The following ASXL3 variants were observed in gnomAD, a reference collection of about 807,000 sequenced individuals.
The protein encoded by ASXL3 is putative Polycomb group protein ASXL3.
ASXL3 carries 34 observed loss-of-function variants against 170.6 expected under a neutral mutation model. The ratio of observed to expected loss-of-function variants is 0.20; its 90% CI spans 0.15 to 0.27. The LOEUF (loss-of-function observed/expected upper bound fraction) is 0.27. Ranked by LOEUF, ASXL3 falls within the 10% of genes least tolerant of loss-of-function variation. The pLI is 1.00. For synonymous variants in ASXL3, 1,002 were observed against 989.1 expected, an observed-to-expected ratio of 1.01 and a Z score of -0.24; for missense variants, 2,592 against 2,695.3, an observed-to-expected ratio of 0.96 and a Z score of 0.85.
intron 8 of ASXL3, among the ~76,000 whole-genome samples, chr18:33,715,039 T>C (rs1177271029): frequency 1.3e-5 from 2 of 152,094 alleles, no homozygotes; most frequent in Non-Finnish European, 2.9e-5. Context: ...AAGGCCCTGC[T>C]CCTCCCTCAG....
At chr18:33,700,931 G>A (rs1164027587) in intron 8 of ASXL3, among the ~76,000 whole-genome samples, 1 of 152,022 alleles carries the variant, frequency 6.6e-6, no homozygotes, top group Admixed American at 6.6e-5. Context: ...CATGGTAGGA[G>A]GAAGTTAACA....
At chr18:33,633,952 T>G (rs1288022423) in intron 2 of ASXL3, among the ~76,000 whole-genome samples, 1 of 152,058 alleles carries the variant, frequency 6.6e-6, no homozygotes, top group Non-Finnish European at 1.5e-5. Context: ...TCATTTGTAT[T>G]GAAAATAAAT....
chr18:33,628,774 A>C (rs779117513), intron 2 of ASXL3, among the ~76,000 whole-genome samples: 2 of 152,162 alleles, frequency 1.3e-5, no homozygotes, highest in Non-Finnish European at 1.5e-5. Flanking sequence ...ACGTTGGCTT[A>C]CCACTGCTTT....
At chr18:33,683,352 A>C in intron 7 of ASXL3, 53 bp from the exon 8 acceptor site, 1 of 1,511,574 alleles carries the variant, frequency 6.6e-7, no homozygotes, top group South Asian at 1.3e-5. Context: ...GTACGTACGT[A>C]CACGTTTCCC....
chr18:33,724,670 A>G (rs548303050), intron 8 of ASXL3, among the ~76,000 whole-genome samples: 1 of 152,296 alleles, frequency 6.6e-6, no homozygotes, highest in South Asian at 2.1e-4. Flanking sequence ...AAATTTTAGC[A>G]TATTAGATAA....
chr18:33,658,971 T>C (rs1445820787), intron 4 of ASXL3, among the ~76,000 whole-genome samples: 7 of 152,076 alleles, frequency 4.6e-5, no homozygotes, highest in Non-Finnish European at 1.0e-4. Context: ...CATATATAAA[T>C]AGATGTCAAT....
In ASXL3 at chr18:33,744,854, A is replaced by T. The variant is rs775531424; in HGVS notation, c.5006A>T (p.Lys1669Ile). ...NLVTNVALPV[K>I]SELHEADKGF... is the part of the protein sequence containing the mutation. ...GTAACAAATGTTGCTCTTCCTGTGAAATCTGAACTTCACGAAGCAGACAAG... is the reference window on the plus strand; with the variant it reads ...GTAACAAATGTTGCTCTTCCTGTGATATCTGAACTTCACGAAGCAGACAAG... The change falls in exon 12 of 12, where the codon AAA becomes ATA. Residue 1669 changes from lysine (K) to isoleucine (I), a missense_variant. Transcript: ENST00000269197. The T allele has an allele frequency of 1.2e-6, 2 of 1,614,030 alleles. No individual in the cohort carries two copies. The highest frequency in any genetic ancestry group is 1.7e-6 in the Non-Finnish European group (2 of 1,179,900).
chr18:33,612,651 C>T (rs1216970670), intron 2 of ASXL3, among the ~76,000 whole-genome samples: 2 of 151,884 alleles, frequency 1.3e-5, no homozygotes, highest in Admixed American at 1.3e-4. Flanking sequence ...TGTTGCATTT[C>T]TTTAGGGGGA....
intron 8 of ASXL3, among the ~76,000 whole-genome samples, chr18:33,729,977 CCTAT>C (rs1157832380): frequency 6.6e-6 from 1 of 152,100 alleles, no homozygotes; most frequent in Non-Finnish European, 1.5e-5. Flanking sequence ...GATTGATTAT[CCTAT>C]CTGTCTCCTT....
At chr18:33,685,289 C>T (rs2066575755) in intron 8 of ASXL3, among the ~76,000 whole-genome samples, 1 of 152,164 alleles carries the variant, frequency 6.6e-6, no homozygotes, top group African/African-American at 2.4e-5. Flanking sequence ...AAAAATGCAG[C>T]CGTCATCATC....
chr18:33,745,374 A>G lies in ASXL3; in HGVS notation c.5526A>G (p.Lys1842=), dbSNP rs1356853094. The change falls in exon 12 of 12, where the codon AAA becomes AAG. Residue 1842 remains lysine, a synonymous_variant. Transcript: ENST00000269197. ...ARTVGEHTQV[K]CEPGKLLVEP... is the part of the protein sequence containing the mutation. ...CTGTAGGAGAACACACTCAAGTTAA[A>G]TGTGAACCAGGAAAATTGTTGGTGG... is the stretch of plus-strand genomic sequence containing the variant. 1 of 1,613,864 alleles carries G rather than the reference A, an allele frequency of 6.2e-7. No homozygotes were observed. Among genetic ancestry groups the G allele is most frequent in the Non-Finnish European group, 8.5e-7 (1 of 1,179,894 alleles).
At chr18:33,731,928 T>C in intron 8 of ASXL3, 40 bp from the exon 9 acceptor site, 1 of 1,564,376 alleles carries the variant, frequency 6.4e-7, no homozygotes, top group Non-Finnish European at 8.8e-7. Context: ...CTTTGACTTA[T>C]TCCTGATGGA....
At chr18:33,688,216 AGT>A (rs2066629119) in intron 8 of ASXL3, among the ~76,000 whole-genome samples, 1 of 152,162 alleles carries the variant, frequency 6.6e-6, no homozygotes, top group Non-Finnish European at 1.5e-5. Context: ...GAGCTCAGAG[AGT>A]GTGTTCATCA....
At chr18:33,618,665 G>T (rs1350997056) in intron 2 of ASXL3, among the ~76,000 whole-genome samples, 1 of 152,048 alleles carries the variant, frequency 6.6e-6, no homozygotes, top group Non-Finnish European at 1.5e-5. Context: ...GTTAATAGAT[G>T]AATAAAATAC....
Position 33,743,452 on chromosome 18 carries a change from A to C in ASXL3, c.3604A>C (p.Ser1202Arg). Residue 1202 changes from serine (S) to arginine (R), a missense_variant, in exon 12 of 12, where the codon AGT becomes CGT. Ser to Arg is a moderately radical substitution (Grantham distance 110). Around this residue, in one of 4 missense-constraint regions of ASXL3, gnomAD observed 2,246 missense variants for 2,219.6 expected, o/e 1.01. Transcript: ENST00000269197. ...AACTGCCACTGACTTATCTGTGCAT[A>C]GTTCTGATGAAAACATACCTGTGTC... Reference protein sequence around the residue: ...PETATDLSVHSSDENIPVSHL... With the variant: ...PETATDLSVHRSDENIPVSHL... The C allele has an allele frequency of 3.1e-6, 5 of 1,613,564 alleles. No individual in the cohort carries two copies. In the South Asian group the frequency reaches 5.5e-5, roughly 18 times the overall value.
chr18:33,739,702 T>C lies in ASXL3; in HGVS notation c.2298T>C (p.His766=). The part of the protein sequence containing the change: ...SNSSINERMA[H]QQRKSPSVSE... ...CTTCCATAAATGAGAGAATGGCACA[T>C]CAGCAAAGAAAGTCACCTTCTGTAT... The change falls in exon 11 of 12, where the codon CAT becomes CAC. Residue 766 remains histidine, a synonymous_variant. Transcript: ENST00000269197. 1 of 1,613,900 alleles carries C rather than the reference T, an allele frequency of 6.2e-7. No homozygotes were observed. Among genetic ancestry groups the C allele is most frequent in the Non-Finnish European group, 8.5e-7 (1 of 1,179,884 alleles).
chr18:33,613,099 C>T (rs1021307386), intron 2 of ASXL3, among the ~76,000 whole-genome samples: 15 of 152,038 alleles, frequency 9.9e-5, no homozygotes, highest in African/African-American at 3.1e-4. Context: ...AAGCAAGCTT[C>T]GAGAATAATC....
Position 33,740,328 on chromosome 18 carries a change from G to A in ASXL3, c.2924G>A (p.Cys975Tyr). 1 of 1,611,100 alleles carries A rather than the reference G, an allele frequency of 6.2e-7. No individual in the cohort carries two copies. Among genetic ancestry groups the A allele is most frequent in the South Asian group, 1.1e-5 (1 of 90,596 alleles). Residue 975 changes from cysteine (C) to tyrosine (Y), a missense_variant, in exon 11 of 12, where the codon TGT becomes TAT. By Grantham distance (194) the Cys-to-Tyr change is radical. Coordinates refer to ENST00000269197, the MANE Select transcript of ASXL3 (RefSeq NM_030632.3). ...GCAGAGCAACACAGCTTTGGAATCT[G>A]TAAGGAAAAGAGAGCTAGGATAGAA... The part of the protein sequence containing the change: ...KTAEQHSFGI[C>Y]KEKRARIEDD...
intron 1 of ASXL3, among the ~76,000 whole-genome samples, chr18:33,592,689 A>G (rs1266215885): frequency 6.6e-6 from 1 of 152,188 alleles, no homozygotes; most frequent in African/African-American, 2.4e-5. Flanking sequence ...GTCAATCTTT[A>G]TAAGAAAAAC....
Sources: allele counts gnomAD v4.1 joint callset (sites outside exome capture counted in the v4.1 genomes callset), GRCh38; gene constraint gnomAD v4.1.1; regional missense constraint gnomAD v4.1.1; transcripts MANE v1.5; gene names NCBI Gene and HGNC (gene_info 2026-07-23, HGNC 2026-07-21).